Variants in WDR12 observed in about 807,000 individuals in gnomAD.
WDR12 encodes the protein ribosome biogenesis protein WDR12.
In WDR12, 42 loss-of-function variants were observed where a neutral mutation model predicts 64.3. The observed-to-expected ratio is 0.65, with a 90% CI of 0.51 to 0.84. The LOEUF is 0.84. Among genes scored for constraint, WDR12 ranks in the 40% least tolerant of loss-of-function variants. The pLI, the probability that WDR12 is intolerant of heterozygous loss-of-function variation, is 0.00. For missense variants in WDR12, 469 were observed against 494.6 expected, an observed-to-expected ratio of 0.95 and a Z score of 0.49; for synonymous variants, 158 against 173.3, an observed-to-expected ratio of 0.91 and a Z score of 0.70.
intron 8 of WDR12, among the ~76,000 whole-genome samples, chr2:202,891,730 T>C (rs1688160115): frequency 6.6e-6 from 1 of 152,254 alleles, no homozygotes; most frequent in Non-Finnish European, 1.5e-5. Context: ...TTATAGCTAT[T>C]AGAAAATGAA....
At position 202,897,305 on chromosome 2, in the gene WDR12, T is replaced by C; in HGVS notation, c.449A>G (p.Lys150Arg). The C allele has an allele frequency of 1.3e-6, 2 of 1,594,788 alleles. No individual in the cohort carries two copies. The highest frequency in any genetic ancestry group is 2.3e-5 in the East Asian group (1 of 43,572). The stretch of plus-strand genomic sequence containing the variant: ...TGTAGGCAAACTGTCCTAACCTTTT[T>C]TCACCCAGGCCACATCTTTTACAAC... ...TDVVKDVAWV[K>R]KDSLSCLLLS... The change falls in exon 5 of 13, where the codon AAA (lysine) becomes AGA (arginine). Residue 150 changes from lysine (K) to arginine (R), a missense_variant. Physicochemically the swap from Lys to Arg is conservative, Grantham distance 26. Transcript: ENST00000261015.
At chr2:202,899,198 A>G (rs1574408742) in intron 4 of WDR12, among the ~76,000 whole-genome samples, 2 of 151,396 alleles carry the variant, frequency 1.3e-5, no homozygotes, top group East Asian at 3.9e-4. Context: ...GCCCACCACC[A>G]CGCCCGGCTA....
In WDR12 at chr2:202,880,784, G is replaced by A. The variant is rs542888837; in HGVS notation, c.*76C>T. The A allele has an allele frequency of 1.6e-5, 21 of 1,322,396 alleles. No individual in the cohort carries two copies. In the African/African-American group the frequency reaches 3.1e-4, roughly 19 times the overall value. The allele number at this position is 1,322,396 out of a possible 1,614,324, so 81.9% of individuals were successfully genotyped here. On this transcript the variant is annotated 3_prime_UTR_variant, in exon 13 of 13. Coordinates refer to ENST00000261015, the MANE Select transcript of WDR12 (RefSeq NM_018256.4). Reference sequence around the variant, plus strand: ...CTTCAAAAGGCTGCTTTCTGCATCTGCATCTATGTAATTTCATGGTTCTCT... The same window carrying A: ...CTTCAAAAGGCTGCTTTCTGCATCTACATCTATGTAATTTCATGGTTCTCT...
At chr2:202,897,986 G>A (rs1042198635) in intron 4 of WDR12, among the ~76,000 whole-genome samples, 39 of 144,338 alleles carry the variant, frequency 2.7e-4, no homozygotes, top group African/African-American at 9.6e-4. Context: ...TGTATAAGCT[G>A]TATATGAAAC....
In WDR12 at chr2:202,897,926, A is replaced by ATATAT. The variant is rs1559162254; in HGVS notation, c.339-512_339-511insATATA. On this transcript the variant is annotated intron_variant, in intron 4 of 12. Coordinates refer to ENST00000261015, the MANE Select transcript of WDR12 (RefSeq NM_018256.4). Reference sequence around the variant, plus strand: ...AAAAAAAAATATATATATATATATAAAAAATATATATCATATATATACATA... The same window carrying ATATAT: ...AAAAAAAAATATATATATATATATAATATATAAAATATATATCATATATATACATA... 4.0e-3 allele frequency among the ~76,000 whole-genome samples: 219 copies of ATATAT among 54,146 alleles called. 10 individuals are homozygous for ATATAT. Among genetic ancestry groups the ATATAT allele is most frequent in the South Asian group, 9.9e-3 (9 of 906 alleles). The allele number at this position is 54,146 out of a possible 152,430, so 35.5% of individuals were successfully genotyped here. A position where few individuals can be genotyped will look rare whatever the true frequency, so the allele number is the denominator to read the frequency against.
Position 202,897,281 on chromosome 2 carries a change from G to A in WDR12, c.454+19C>T, listed in dbSNP as rs1237696874. The A allele has an allele frequency of 2.7e-5, 41 of 1,546,828 alleles. No homozygotes were observed. Among genetic ancestry groups the A allele is most frequent in the Non-Finnish European group, 3.4e-5 (39 of 1,132,018 alleles). ...ATCCCTATCTAGGATTCCTCTAAGT[G>A]TAGGCAAACTGTCCTAACCTTTTTT... On this transcript the variant is annotated intron_variant, in intron 5 of 12. Coordinates refer to ENST00000261015, the MANE Select transcript of WDR12 (RefSeq NM_018256.4).
Position 202,877,788 on chromosome 2 carries a change from G to A in WDR12, c.*3072C>T, listed in dbSNP as rs1687888773. On this transcript the variant is annotated 3_prime_UTR_variant, in exon 13 of 13. Coordinates refer to ENST00000261015, the MANE Select transcript of WDR12 (RefSeq NM_018256.4). ...GCAGGTTCTGAGCACTGCATTGTCA[G>A]GTTCCTAGCTTTTCCCCAACCACGG... The A allele has an allele frequency of 6.6e-6, 1 of 152,236 alleles. No homozygotes were observed. Among genetic ancestry groups the A allele is most frequent in the African/African-American group, 2.4e-5 (1 of 41,444 alleles). The allele number at this position is 152,236 out of a possible 1,614,324, so 9.4% of individuals were successfully genotyped here.
intron 6 of WDR12, among the ~76,000 whole-genome samples, chr2:202,895,517 C>CTTTTTTTT (rs901435872): frequency 5.1e-4 from 57 of 111,476 alleles, no homozygotes; most frequent in East Asian, 7.6e-4. Flanking sequence ...TCATTTCTTT[C>CTTTTTTTT]TTTTTTTTTT....
At chr2:202,880,989 TCAC>T in intron 12 of WDR12, 52 bp from the exon 13 acceptor site, 3 of 1,452,700 alleles carry the variant, frequency 2.1e-6, no homozygotes, top group African/African-American at 1.4e-5. Flanking sequence ...TATAATTATT[TCAC>T]ATCATAGCTA....
chr2:202,876,851 A>G lies in WDR12; in HGVS notation c.*4009T>C, dbSNP rs930117555. 2 of 152,724 alleles carry G rather than the reference A, an allele frequency of 1.3e-5. No homozygotes were observed. Among genetic ancestry groups the G allele is most frequent in the Admixed American group, 1.3e-4 (2 of 15,280 alleles). The allele number at this position is 152,724 out of a possible 1,614,324, so 9.5% of individuals were successfully genotyped here. A position where few individuals can be genotyped will look rare whatever the true frequency, so the allele number is the denominator to read the frequency against. ...GAGGATGAGGTGGGAGGATCCCTTG[A>G]GTCCGGGAGTTAGAGGCTGCAGTGA... is the stretch of plus-strand genomic sequence containing the variant. On this transcript the variant is annotated 3_prime_UTR_variant, in exon 13 of 13. Coordinates refer to ENST00000261015, the MANE Select transcript of WDR12 (RefSeq NM_018256.4).
intron 4 of WDR12, among the ~76,000 whole-genome samples, chr2:202,898,781 A>G (rs1688296679): frequency 2.6e-5 from 4 of 152,088 alleles, no homozygotes; most frequent in Admixed American, 1.3e-4. Flanking sequence ...TAAAAGCAAC[A>G]TAATCGAACC....
intron 8 of WDR12, 24 bp from the exon 9 acceptor site, chr2:202,884,559 G>C: frequency 1.9e-6 from 3 of 1,594,712 alleles, no homozygotes; most frequent in African/African-American, 1.4e-5. Context: ...ACCCCAAAAG[G>C]GGAAAGTGTT....
chr2:202,901,220 G>A, intron 2 of WDR12, 101 bp from the exon 3 acceptor site: 1 of 682,184 alleles, frequency 1.5e-6, no homozygotes. Context: ...TATTATCCCA[G>A]TGTGGCCTGA....
Position 202,911,472 on chromosome 2 carries a change from G to A in WDR12, c.5C>T (p.Ala2Val), listed in dbSNP as rs1451770448. 2 of 1,614,112 alleles carry A rather than the reference G, an allele frequency of 1.2e-6. No individual in the cohort carries two copies. The highest frequency in any genetic ancestry group is 1.7e-6 in the Non-Finnish European group (2 of 1,180,010). The change falls in exon 1 of 13, where the codon GCT becomes GTT. Residue 2 changes from alanine to valine, a missense_variant. Ala to Val is a moderately conservative substitution (Grantham distance 64). Coordinates refer to ENST00000261015, the MANE Select transcript of WDR12 (RefSeq NM_018256.4). ...AGTGTAGAAGCGTGTTTGGAGCTGA[G>A]CCATGGCGAGGAGTACACACGACTT... M[A>V]QLQTRFYTDN...
chr2:202,896,705 C>T (rs1688248489), intron 5 of WDR12, among the ~76,000 whole-genome samples: 1 of 150,576 alleles, frequency 6.6e-6, no homozygotes, highest in African/African-American at 2.4e-5. Flanking sequence ...AACAAACAAA[C>T]AGGCTGGGTG....
rs1431971343 is a variant in WDR12, at chr2:202,907,856, T to C, written c.136+9A>G. Reference sequence around the variant, plus strand: ...GACACTGTGCCCTCTCCTAAGCATATATACCCACCATTTTTGTCCTTTAGT... The same window carrying C: ...GACACTGTGCCCTCTCCTAAGCATACATACCCACCATTTTTGTCCTTTAGT... On this transcript the variant is annotated intron_variant, in intron 2 of 12. Transcript: ENST00000261015. The C allele has an allele frequency of 1.2e-6, 2 of 1,606,086 alleles. No individual in the cohort carries two copies. The highest frequency in any genetic ancestry group is 1.7e-6 in the Non-Finnish European group (2 of 1,173,024).
intron 4 of WDR12, among the ~76,000 whole-genome samples, chr2:202,899,199 C>T (rs776088141): frequency 3.0e-4 from 45 of 151,746 alleles, no homozygotes; most frequent in South Asian, 2.1e-4. Flanking sequence ...CCCACCACCA[C>T]GCCCGGCTAA....
chr2:202,905,748 T>C (rs1034850186), intron 2 of WDR12, among the ~76,000 whole-genome samples: 4 of 152,222 alleles, frequency 2.6e-5, no homozygotes, highest in Non-Finnish European at 5.9e-5. Flanking sequence ...GGTCATTATG[T>C]TCAGTGAAAT....
intron 12 of WDR12, among the ~76,000 whole-genome samples, chr2:202,882,193 T>C (rs1687961906): frequency 6.6e-6 from 1 of 152,020 alleles, no homozygotes; most frequent in South Asian, 2.1e-4. Flanking sequence ...CCTCCCAAAG[T>C]GGTAGGATTA....
Sources: allele counts gnomAD v4.1 joint callset (sites outside exome capture counted in the v4.1 genomes callset), GRCh38; gene constraint gnomAD v4.1.1; transcripts MANE v1.5; gene names NCBI Gene and HGNC (gene_info 2026-07-23, HGNC 2026-07-21).